Variants in ZNF81 observed in about 807,000 individuals in gnomAD.
ZNF81 encodes the protein zinc finger protein 81 (HFZ20).
In ZNF81, 5 loss-of-function variants were observed where a neutral mutation model predicts 32.3. That is an observed-to-expected ratio of 0.15 (90% confidence interval 0.08 to 0.33). The LOEUF is 0.33. Ranked by LOEUF, ZNF81 falls within the 10% of genes least tolerant of loss-of-function variation. The pLI is 1.00. For synonymous variants in ZNF81, 163 were observed against 166.8 expected (o/e 0.98, Z 0.17); for missense variants, 379 against 479.8 (o/e 0.79, Z 1.96).
chrX:47,850,499 A>G (rs1269572321), intron 2 of ZNF81, among the ~76,000 whole-genome samples: 1 of 108,842 alleles, frequency 9.2e-6, no homozygotes, highest in African/African-American at 3.3e-5. Flanking sequence ...GCAAAAGCAT[A>G]TAGTATAGAG....
rs782626608 is a variant in ZNF81 at position 47,857,567 on chromosome X, G to A, written c.54+11246G>A. 8.1e-5 allele frequency among the ~76,000 whole-genome samples: 9 copies of A among 111,507 alleles called. No homozygotes were observed. The South Asian group carries it at 3.4e-3, about 42-fold the overall frequency. The stretch of plus-strand genomic sequence containing the variant: ...CCTATACCCATGAACTTTCCTTCCT[G>A]TTAGAAATGATCTTTCCACTGAACC... On this transcript the variant is annotated intron_variant, in intron 2 of 4. Transcript: ENST00000338637.
At chrX:47,842,407 G>A (rs1373412103) in intron 1 of ZNF81, among the ~76,000 whole-genome samples, 4 of 110,944 alleles carry the variant, frequency 3.6e-5, no homozygotes, top group Non-Finnish European at 7.5e-5. Context: ...TCCTGTTGAT[G>A]GTTCTGAGTT....
chrX:47,876,952 G>T (rs1033458934), intron 2 of ZNF81, among the ~76,000 whole-genome samples: 40 of 112,138 alleles, frequency 3.6e-4, no homozygotes, highest in African/African-American at 1.3e-3. Flanking sequence ...AGATGGATTG[G>T]GGAGTGGCTT....
intron 4 of ZNF81, among the ~76,000 whole-genome samples, chrX:47,900,555 G>A (rs924706551): frequency 8.9e-6 from 1 of 112,148 alleles, no homozygotes; most frequent in Non-Finnish European, 1.9e-5. Context: ...AGCTACTGAA[G>A]ATGCTGGAAA....
At chrX:47,900,158 A>G (rs2058693466) in intron 4 of ZNF81, among the ~76,000 whole-genome samples, 1 of 111,605 alleles carries the variant, frequency 9.0e-6, no homozygotes, top group South Asian at 3.7e-4. Context: ...AGTCTTGAGG[A>G]AGAAGAAAAA....
intron 1 of ZNF81, chrX:47,841,241 G>A (rs1238460606): frequency 1.4e-6 from 1 of 709,042 alleles, no homozygotes; most frequent in Non-Finnish European, 2.2e-6. Context: ...GCTTGTCTAT[G>A]TTTAAAAATG....
chrX:47,902,835 C>T (rs1216760423), intron 4 of ZNF81, among the ~76,000 whole-genome samples: 2 of 111,412 alleles, frequency 1.8e-5, no homozygotes, highest in Admixed American at 1.9e-4. Flanking sequence ...GGGTGGATCA[C>T]CTAAGGCCAG....
intron 2 of ZNF81, among the ~76,000 whole-genome samples, chrX:47,875,373 T>G (rs1451977081): frequency 3.6e-5 from 4 of 112,300 alleles, no homozygotes; most frequent in African/African-American, 1.3e-4. Flanking sequence ...CAGGTCACAC[T>G]ATAAGACTGG....
intron 4 of ZNF81, among the ~76,000 whole-genome samples, chrX:47,912,801 A>G (rs978341437): frequency 9.1e-5 from 10 of 110,484 alleles, no homozygotes; most frequent in African/African-American, 3.3e-4. Flanking sequence ...TGAAAGTGGC[A>G]CCATCATTTT....
rs2058779003 is a variant in ZNF81 at position 47,922,107 on chromosome X, C to T, written c.*5475C>T. On this transcript the variant is annotated 3_prime_UTR_variant, in exon 5 of 5. Transcript: ENST00000338637. ...CACTAAGTTTTGGGCAGCATGATAA[C>T]AACCCAGCAAAAAGCTAACTGATAC... 1 of 111,963 alleles carries T rather than the reference C, an allele frequency of 8.9e-6. No individual in the cohort carries two copies. The highest frequency in any genetic ancestry group is 3.3e-5 in the African/African-American group (1 of 30,753). The allele number at this position is 111,963 out of a possible 1,213,427, so 9.2% of individuals were successfully genotyped here. A position where few individuals can be genotyped will look rare whatever the true frequency, so the allele number is the denominator to read the frequency against.
chrX:47,920,717 C>G lies in ZNF81; in HGVS notation c.*4085C>G, dbSNP rs1378029298. The stretch of plus-strand genomic sequence containing the variant: ...CCTACCCCATGGAGGTAGGCTTTCT[C>G]CAGTCTTCTTCCTTGTCCCCGTGTT... On this transcript the variant is annotated 3_prime_UTR_variant, in exon 5 of 5. Coordinates refer to ENST00000338637, the MANE Select transcript of ZNF81 (RefSeq NM_007137.5). 1 of 110,364 alleles carries G rather than the reference C, an allele frequency of 9.1e-6. No homozygotes were observed. Among genetic ancestry groups the G allele is most frequent in the African/African-American group, 3.3e-5 (1 of 30,218 alleles). 9.1% of individuals were successfully genotyped at this position (110,364 alleles called of 1,213,427 possible). A position where few individuals can be genotyped will look rare whatever the true frequency, so the allele number is the denominator to read the frequency against.
chrX:47,923,543 A>G lies in ZNF81; in HGVS notation c.*6911A>G, dbSNP rs1455780095. Among the ~76,000 whole-genome samples the G allele has an allele frequency of 2.7e-5, 3 of 111,934 alleles. No individual in the cohort carries two copies. Among genetic ancestry groups the G allele is most frequent in the Admixed American group, 9.4e-5 (1 of 10,601 alleles). ...GACATCAATTCATATGAGGATGGAA[A>G]ATTGGTTCTTGATTTTATGACACAG... is the stretch of plus-strand genomic sequence containing the variant. On this transcript the variant is annotated 3_prime_UTR_variant, in exon 5 of 5. Transcript: ENST00000338637.
In ZNF81 at chrX:47,861,654, C is replaced by T. The variant is rs188154675; in HGVS notation, c.54+15333C>T. On this transcript the variant is annotated intron_variant, in intron 2 of 4. Transcript: ENST00000338637. The stretch of plus-strand genomic sequence containing the variant: ...ACACCGGGCCAATCCCCAGTATTTT[C>T]CTCAACCGTAACCCTTAGGGTTCCA... Among the ~76,000 whole-genome samples the T allele has an allele frequency of 7.3e-3, 814 of 112,081 alleles. 22 individuals carry two copies. The highest frequency in any genetic ancestry group is 0.065 in the Admixed American group (681 of 10,523).
At chrX:47,907,092 T>C (rs909253827) in intron 4 of ZNF81, among the ~76,000 whole-genome samples, 1 of 100,194 alleles carries the variant, frequency 1.0e-5, no homozygotes, top group Non-Finnish European at 2.0e-5. Flanking sequence ...ACGGAGTGTC[T>C]GTTTTTAGAA....
chrX:47,881,356 A>G (rs1459143250), intron 2 of ZNF81, among the ~76,000 whole-genome samples: 7 of 111,526 alleles, frequency 6.3e-5, no homozygotes, highest in African/African-American at 2.3e-4. Flanking sequence ...TGGTCTGCCC[A>G]TTGCACCCTT....
At chrX:47,842,562 T>G in intron 1 of ZNF81, 1 of 111,861 alleles carries the variant, frequency 8.9e-6, no homozygotes, top group South Asian at 3.7e-4. Context: ...TTTGTGTTTG[T>G]TGTTTTAATT....
At chrX:47,888,146 A>G (rs1184096658) in intron 3 of ZNF81, 21 bp downstream of exon 3, 7 of 1,200,927 alleles carry the variant, frequency 5.8e-6, no homozygotes, top group Non-Finnish European at 7.9e-6. Flanking sequence ...CCATCCTGTG[A>G]AGTTGTGAGG....
At chrX:47,837,406 A>T (rs2022365) in intron 1 of ZNF81, among the ~76,000 whole-genome samples, 1 of 110,950 alleles carries the variant, frequency 9.0e-6, no homozygotes. Flanking sequence ...TTAGTCGTCA[A>T]TTGTGTCATA....
chrX:47,905,409 TAAAAAAAAAAAAA>T (rs782351301), intron 4 of ZNF81, among the ~76,000 whole-genome samples: 29 of 29,468 alleles, frequency 9.8e-4, no homozygotes, highest in Non-Finnish European at 1.8e-3. Flanking sequence ...AGACTCCATC[TAAAAAAAAAAAAA>T]AAAAAAAAAA....
Sources: gnomAD v4.1 joint callset for allele counts (sites outside exome capture counted in the v4.1 genomes callset) on GRCh38, gnomAD v4.1.1 for gene constraint, MANE v1.5 for transcripts, NCBI Gene and HGNC (gene_info 2026-07-23, HGNC 2026-07-21) for gene names.